TMEM116: variants seen among roughly 807,000 people sequenced by gnomAD.
The protein encoded by TMEM116 is transmembrane protein 116.
TMEM116 carries 38 observed loss-of-function variants against 44.3 expected under a neutral mutation model. That is an observed-to-expected ratio of 0.86 (90% CI 0.66 to 1.12). The LOEUF (loss-of-function observed/expected upper bound fraction) is 1.12, where lower values mean the gene tolerates loss of function less well. Ranked by LOEUF, TMEM116 falls within the 50% of genes most tolerant of loss-of-function variation. The pLI is 0.00. For synonymous variants in TMEM116, 132 were observed against 144.8 expected (o/e 0.91, Z 0.64); for missense variants, 354 against 401.7 (o/e 0.88, Z 1.01).
intron 4 of TMEM116, among the ~76,000 whole-genome samples, chr12:111,969,116 C>G (rs1297166581): frequency 2.0e-5 from 3 of 151,070 alleles, no homozygotes; most frequent in Non-Finnish European, 4.4e-5. Flanking sequence ...GGGTCGGGAG[C>G]TCAAGACCAG....
chr12:111,956,794 C>A (rs565176336), intron 4 of TMEM116, among the ~76,000 whole-genome samples: 1 of 152,218 alleles, frequency 6.6e-6, no homozygotes, highest in Non-Finnish European at 1.5e-5. Flanking sequence ...GGATTGCAGA[C>A]GGAGTCTCGC....
At chr12:112,009,939 A>G (rs1003931732) in intron 1 of TMEM116, among the ~76,000 whole-genome samples, 1 of 152,196 alleles carries the variant, frequency 6.6e-6, no homozygotes, top group Non-Finnish European at 1.5e-5. Flanking sequence ...AACCGAAGTT[A>G]TTTATACTGA....
In TMEM116 at chr12:111,943,326, C is replaced by T; in HGVS notation, c.254G>A (p.Trp85Ter). ...CATCCTCAGCTCTGTGTACAAATAC[C>T]AGATGTAATTGACGGTGTAGAGAAA... ...SSFLYTVNYI[W>*]YLYTELRMKH... is the part of the protein sequence containing the mutation. Residue 85 changes from tryptophan to a stop codon, truncating the protein, a stop_gained, in exon 5 of 11, where the codon TGG becomes TAG. Transcript: ENST00000552374. LOFTEE classifies it high-confidence loss of function. 1 of 1,614,066 alleles carries T rather than the reference C, an allele frequency of 6.2e-7. No individual in the cohort carries two copies. The highest frequency in any genetic ancestry group is 1.1e-5 in the South Asian group (1 of 91,076).
At position 111,931,874 on chromosome 12, in the gene TMEM116, G is replaced by A. The variant is rs760205514; in HGVS notation, c.808-47C>T. 3.1e-6 allele frequency: 4 copies of A among 1,310,992 alleles called. No individual in the cohort carries two copies. The South Asian group carries it at 4.7e-5, about 16-fold the overall frequency. The allele number at this position is 1,310,992 out of a possible 1,614,324, so 81.2% of individuals were successfully genotyped here. ...TGCAGCCCATGCTTCAGGTTTTCAG[G>A]GATCCAGGGAATAATTCTCACTCCC... is the stretch of plus-strand genomic sequence containing the variant. On this transcript the variant is annotated intron_variant, in intron 10 of 10. Transcript: ENST00000552374.
At chr12:111,948,179 TAGA>T (rs2073427628) in intron 4 of TMEM116, among the ~76,000 whole-genome samples, 1 of 152,220 alleles carries the variant, frequency 6.6e-6, no homozygotes, top group Non-Finnish European at 1.5e-5. Context: ...TGAGTTCAGC[TAGA>T]AGCCTTGAAA....
At chr12:111,972,488 T>C (rs927891071) in intron 4 of TMEM116, among the ~76,000 whole-genome samples, 1 of 152,214 alleles carries the variant, frequency 6.6e-6, no homozygotes, top group African/African-American at 2.4e-5. Context: ...TTGACAGAAT[T>C]GATATTTATA....
At chr12:112,007,056 G>A (rs2077618831) in intron 1 of TMEM116, among the ~76,000 whole-genome samples, 2 of 152,180 alleles carry the variant, frequency 1.3e-5, no homozygotes, top group Non-Finnish European at 2.9e-5. Context: ...AGTGTGCTAT[G>A]ACTGTTCCTG....
At chr12:111,940,476 T>TACAC (rs1276384412) in intron 5 of TMEM116, among the ~76,000 whole-genome samples, 9 of 98,804 alleles carry the variant, frequency 9.1e-5, no homozygotes, top group African/African-American at 4.3e-4. Flanking sequence ...TATATATATA[T>TACAC]ACATACACAC....
intron 4 of TMEM116, among the ~76,000 whole-genome samples, chr12:111,956,810 C>T (rs541772309): frequency 6.6e-6 from 1 of 152,326 alleles, no homozygotes; most frequent in South Asian, 2.1e-4. Flanking sequence ...CTCGCTCACT[C>T]AGTGCTCAAT....
chr12:111,967,198 A>G (rs1271215259), intron 4 of TMEM116, among the ~76,000 whole-genome samples: 1 of 152,244 alleles, frequency 6.6e-6, no homozygotes, highest in Non-Finnish European at 1.5e-5. Context: ...TAGAAAAAAA[A>G]TTGATAAATA....
chr12:111,937,360 A>C, intron 6 of TMEM116, 117 bp from the exon 7 acceptor site: 1 of 767,084 alleles, frequency 1.3e-6, no homozygotes, highest in Non-Finnish European at 2.2e-6. Flanking sequence ...TCCACAAATA[A>C]CACATTTAAT....
At chr12:111,966,144 A>G (rs920256796) in intron 4 of TMEM116, among the ~76,000 whole-genome samples, 7 of 152,038 alleles carry the variant, frequency 4.6e-5, no homozygotes, top group African/African-American at 1.7e-4. Context: ...TATCTCCACT[A>G]AAAGTACAAA....
chr12:111,998,314 T>C (rs2077041932), intron 3 of TMEM116, among the ~76,000 whole-genome samples: 2 of 152,228 alleles, frequency 1.3e-5, no homozygotes, highest in South Asian at 4.1e-4. Flanking sequence ...TGGACTATTT[T>C]AGTAGCTGGG....
At chr12:111,937,919 G>T (rs2072296133) in intron 6 of TMEM116, 2 of 300,684 alleles carry the variant, frequency 6.7e-6, no homozygotes, top group South Asian at 8.9e-5. Context: ...ATTTGTTCAA[G>T]GTTAGTTACA....
rs1226574170 is a variant in TMEM116 at position 111,940,506 on chromosome 12, T to TAC, written c.316-2298_316-2297dup. 3.4e-3 allele frequency among the ~76,000 whole-genome samples: 377 copies of TAC among 109,834 alleles called. 8 individuals carry two copies. Among genetic ancestry groups the TAC allele is most frequent in the African/African-American group, 0.013 (344 of 25,870 alleles). 72.1% of individuals were successfully genotyped at this position (109,834 alleles called of 152,430 possible). On this transcript the variant is annotated intron_variant, in intron 5 of 10. Coordinates refer to ENST00000552374, the MANE Select transcript of TMEM116 (RefSeq NM_001193531.2). Reference sequence around the variant, plus strand: ...ACACACACACACACACACATATATATACACACATATATATGTGTATATATA... The same window carrying TAC: ...ACACACACACACACACACATATATATACACACACATATATATGTGTATATATA...
At chr12:111,997,588 AC>A (rs1254920312) in intron 3 of TMEM116, among the ~76,000 whole-genome samples, 4 of 152,090 alleles carry the variant, frequency 2.6e-5, no homozygotes, top group African/African-American at 9.7e-5. Flanking sequence ...AACAAAAAAA[AC>A]AAACAGAACA....
intron 4 of TMEM116, among the ~76,000 whole-genome samples, chr12:111,945,032 G>A (rs1157446037): frequency 7.1e-6 from 1 of 140,414 alleles, no homozygotes; most frequent in African/African-American, 2.7e-5. Flanking sequence ...ACAAGATCGC[G>A]CCACTGCACT....
chr12:111,987,880 T>C (rs1450350776), intron 4 of TMEM116, among the ~76,000 whole-genome samples: 3 of 152,160 alleles, frequency 2.0e-5, no homozygotes, highest in South Asian at 2.1e-4. Flanking sequence ...TCAATGTTAA[T>C]AGTAGCGTTA....
In TMEM116 at chr12:111,991,752, A is replaced by C. The variant is rs778905138; in HGVS notation, c.210+6T>G. On this transcript the variant is annotated splice_donor_region_variant and intron_variant, in intron 4 of 10. Transcript: ENST00000552374. ...CAAGGTGCAGTGACAGTCTTGTAGC[A>C]CTCACCTGTCCAACTGCTTGTAGGT... 20 of 1,533,974 alleles carry C rather than the reference A, an allele frequency of 1.3e-5. No individual in the cohort carries two copies. The highest frequency in any genetic ancestry group is 1.7e-5 in the Non-Finnish European group (20 of 1,145,724).
Sources: gnomAD v4.1 joint callset for allele counts (sites outside exome capture counted in the v4.1 genomes callset) on GRCh38, gnomAD v4.1.1 for gene constraint, MANE v1.5 for transcripts, NCBI Gene and HGNC (gene_info 2026-07-23, HGNC 2026-07-21) for gene names.